Variants in MAEA observed in about 807,000 individuals in gnomAD.
The protein encoded by MAEA is macrophage erythroblast attacher, E3 ubiquitin ligase.
A neutral mutation model predicts 46.2 loss-of-function variants in MAEA; 22 were observed. The observed-to-expected ratio is 0.48, with a 90% confidence interval of 0.34 to 0.68. MAEA has a LOEUF of 0.68. MAEA is among the 30% of genes least tolerant of loss of function. The pLI is 0.01. For missense variants in MAEA, 393 were observed against 558.1 expected, an observed-to-expected ratio of 0.70 and a Z score of 2.98; for synonymous variants, 246 against 222.6, an observed-to-expected ratio of 1.11 and a Z score of -0.94.
At chr4:1,310,024 G>C in intron 1 of MAEA, 1 of 1,181,246 alleles carries the variant, frequency 8.5e-7, no homozygotes. Context: ...GGGTTCCTCC[G>C]CGCGAGCGAG....
intron 5 of MAEA, chr4:1,328,704 G>C (rs998922512): frequency 4.7e-6 from 6 of 1,274,596 alleles, no homozygotes; most frequent in African/African-American, 1.5e-5. Context: ...GAGGTGCTGA[G>C]GGTGGTCCCC....
intron 1 of MAEA, among the ~76,000 whole-genome samples, chr4:1,305,459 G>A (rs1007730787): frequency 6.6e-6 from 1 of 152,250 alleles, no homozygotes; most frequent in African/African-American, 2.4e-5. Flanking sequence ...AATTGGAACT[G>A]TGGTGAACAA....
chr4:1,334,937 A>C, intron 6 of MAEA: 1 of 985,260 alleles, frequency 1.0e-6, no homozygotes, highest in South Asian at 4.7e-5. Context: ...TGTTGGAGTT[A>C]AGTGTGGTGT....
chr4:1,315,643 C>T, intron 3 of MAEA, 43 bp downstream of exon 3: 1 of 1,601,638 alleles, frequency 6.2e-7, no homozygotes, highest in South Asian at 1.1e-5. Context: ...CAGCTGGCCC[C>T]AGGCCTATGG....
At chr4:1,305,785 G>T (rs1735773652) in intron 1 of MAEA, among the ~76,000 whole-genome samples, 3 of 152,176 alleles carry the variant, frequency 2.0e-5, no homozygotes, top group Admixed American at 2.0e-4. Flanking sequence ...GTAAGGAGCT[G>T]TGTCACAAAG....
At position 1,327,708 on chromosome 4, in the gene MAEA, G is replaced by C; in HGVS notation, c.656+5G>C. On this transcript the variant is annotated splice_donor_5th_base_variant and intron_variant, in intron 5 of 8. Coordinates refer to ENST00000303400, the MANE Select transcript of MAEA (RefSeq NM_001017405.3). ...TAAGAGACTGGACGCTGTGAGGTAG[G>C]CATTGCGGACGTGCGTCTCCTCGAG... 1 of 1,613,038 alleles carries C rather than the reference G, an allele frequency of 6.2e-7. No individual in the cohort carries two copies.
chr4:1,334,174 C>CTG (rs1712424091), intron 6 of MAEA, among the ~76,000 whole-genome samples: 1 of 56,836 alleles, frequency 1.8e-5, no homozygotes, highest in African/African-American at 5.4e-5. Context: ...ATGCCCACCC[C>CTG]TGTGCTCATC....
chr4:1,302,176 T>C (rs569952156), intron 1 of MAEA, among the ~76,000 whole-genome samples: 1 of 152,324 alleles, frequency 6.6e-6, no homozygotes, highest in South Asian at 2.1e-4. Flanking sequence ...AAGTAGGATT[T>C]CCCCCAGAAA....
At chr4:1,307,794 C>T (rs1312406355) in intron 1 of MAEA, among the ~76,000 whole-genome samples, 1 of 152,210 alleles carries the variant, frequency 6.6e-6, no homozygotes, top group East Asian at 1.9e-4. Context: ...CCAGGAGGGA[C>T]AGGAAATTGC....
chr4:1,324,531 T>A lies in MAEA; in HGVS notation c.579+2028T>A, dbSNP rs563388016. ...ATGCTTGGTGGATGAGCGTGCCTGG[T>A]GTTGGATGAGTTGAGATTGGATGAG... is the stretch of plus-strand genomic sequence containing the variant. On this transcript the variant is annotated intron_variant, in intron 4 of 8. Transcript: ENST00000303400. Among the ~76,000 whole-genome samples, 38 of 150,080 alleles carry A rather than the reference T, an allele frequency of 2.5e-4. No individual in the cohort carries two copies. In the South Asian group the frequency reaches 3.2e-3, roughly 13 times the overall value.
intron 5 of MAEA, chr4:1,332,140 AG>A (rs1553869190): frequency 6.6e-6 from 1 of 152,430 alleles, no homozygotes; most frequent in Non-Finnish European, 1.5e-5. Flanking sequence ...GCATCTGGGG[AG>A]AGTGGGAATC....
At chr4:1,338,643 A>G (rs1318110316) in intron 8 of MAEA, 26 bp downstream of exon 8, 1 of 1,562,630 alleles carries the variant, frequency 6.4e-7, no homozygotes, top group South Asian at 1.2e-5. Flanking sequence ...CAGGGGGGCC[A>G]GGCTGGCACG....
chr4:1,336,605 T>C (rs1239280353), intron 6 of MAEA, among the ~76,000 whole-genome samples: 1 of 152,186 alleles, frequency 6.6e-6, no homozygotes, highest in Non-Finnish European at 1.5e-5. Context: ...CCCTGTAGCA[T>C]GTTGAAATCA....
chr4:1,294,324 C>G (rs1734411814), intron 1 of MAEA, among the ~76,000 whole-genome samples: 1 of 152,214 alleles, frequency 6.6e-6, no homozygotes, highest in Admixed American at 6.5e-5. Context: ...GCCTTTCCAG[C>G]TGGTTGGGCA....
At chr4:1,298,102 A>G (rs905541047) in intron 1 of MAEA, 1 of 456,106 alleles carries the variant, frequency 2.2e-6, no homozygotes, top group African/African-American at 2.0e-5. Flanking sequence ...GCATTTTAGC[A>G]CCCTGTACCC....
At position 1,339,058 on chromosome 4, in the gene MAEA, C is replaced by T. The variant is rs375798478; in HGVS notation, c.1096-16C>T. The T allele has an allele frequency of 3.2e-5, 52 of 1,604,152 alleles. No individual in the cohort carries two copies. Among genetic ancestry groups the T allele is most frequent in the Admixed American group, 1.2e-4 (7 of 60,004 alleles). ...GTAGTCGCTTGCCTTAATGCATTCC[C>T]GGTTTTATTTTTCAGTCTCTGCTTT... On this transcript the variant is annotated splice_polypyrimidine_tract_variant and intron_variant, in intron 8 of 8. Coordinates refer to ENST00000303400, the MANE Select transcript of MAEA (RefSeq NM_001017405.3).
intron 1 of MAEA, among the ~76,000 whole-genome samples, chr4:1,296,834 C>A (rs950271895): frequency 7.9e-5 from 12 of 152,294 alleles, no homozygotes; most frequent in African/African-American, 2.9e-4. Context: ...ACTCGGCTCC[C>A]GTGACACCAT....
intron 8 of MAEA, 110 bp downstream of exon 8, chr4:1,338,727 C>T: frequency 1.0e-6 from 1 of 1,004,332 alleles, no homozygotes; most frequent in Non-Finnish European, 1.4e-6. Context: ...GCCATCGGGA[C>T]AGGGCTGTGT....
intron 1 of MAEA, among the ~76,000 whole-genome samples, chr4:1,295,790 CCCCCCTCCCCAGCGCCTGTG>C (rs1477987387): frequency 5.5e-5 from 5 of 91,100 alleles, no homozygotes; most frequent in African/African-American, 1.4e-4. Context: ...CGCGCCTGTG[CCCCCCTCCCCAGCGCCTGTG>C]CCCCCTCACC....
Sources: allele counts gnomAD v4.1 joint callset (sites outside exome capture counted in the v4.1 genomes callset), GRCh38; gene constraint gnomAD v4.1.1; transcripts MANE v1.5; gene names NCBI Gene and HGNC (gene_info 2026-07-23, HGNC 2026-07-21).